SARS2: variants seen among roughly 807,000 people sequenced by gnomAD.
SARS2 encodes the protein serine--tRNA ligase, mitochondrial.
A neutral mutation model predicts 66.8 loss-of-function variants in SARS2; 52 were observed. The observed-to-expected ratio is 0.78, with a 90% CI of 0.62 to 0.98. SARS2 has a LOEUF of 0.98. Ranked by LOEUF, SARS2 falls within the 50% of genes least tolerant of loss-of-function variation. SARS2 has a pLI of 0.00. For synonymous variants in SARS2, 306 were observed against 281.4 expected (o/e 1.09, Z -0.87); for missense variants, 673 against 706.3 (o/e 0.95, Z 0.53).
chr19:38,922,136 C>T (rs1272534533), intron 3 of SARS2, 102 bp downstream of exon 3: 7 of 1,601,612 alleles, frequency 4.4e-6, no homozygotes, highest in South Asian at 1.1e-5. Context: ...TCCCCTTAAA[C>T]CTGTTTGAGT....
At chr19:38,919,979 G>T in intron 6 of SARS2, 107 bp downstream of exon 6, 5 of 1,373,488 alleles carry the variant, frequency 3.6e-6, no homozygotes, top group Non-Finnish European at 5.1e-6. Context: ...GGGCATCAAA[G>T]ATTCATGGCA....
chr19:38,916,197 C>A (rs747661149), intron 13 of SARS2, 24 bp downstream of exon 13: 14 of 1,613,308 alleles, frequency 8.7e-6, no homozygotes, highest in Non-Finnish European at 1.1e-5. Context: ...CTGCCCACCC[C>A]GTCCCCAGCG....
rs189607417 is a variant in SARS2 at position 38,921,693 on chromosome 19, C to T, written c.394-26G>A. ...CTGGGGGCAGCACAGGTGGGCTCAGCCCGGGAGAGGGTCAGGACTCCCTCA... is the reference window on the plus strand; with the variant it reads ...CTGGGGGCAGCACAGGTGGGCTCAGTCCGGGAGAGGGTCAGGACTCCCTCA... On this transcript the variant is annotated intron_variant, in intron 3 of 15. Coordinates refer to ENST00000221431, the MANE Select transcript of SARS2 (RefSeq NM_017827.4). The T allele has an allele frequency of 1.9e-5, 30 of 1,613,304 alleles. No individual in the cohort carries two copies. In the African/African-American group the frequency reaches 3.3e-4, roughly 18 times the overall value.
chr19:38,919,221 A>G (rs572665342), intron 7 of SARS2, among the ~76,000 whole-genome samples: 1 of 152,276 alleles, frequency 6.6e-6, no homozygotes, highest in African/African-American at 2.4e-5. Flanking sequence ...CGGGAGGTGG[A>G]GGTTGCAGTG....
rs1193613579 is a variant in SARS2 at position 38,921,454 on chromosome 19, G to A, written c.535-8C>T. 6.2e-7 allele frequency: 1 copy of A among 1,614,030 alleles called. No individual in the cohort carries two copies. On this transcript the variant is annotated splice_region_variant and splice_polypyrimidine_tract_variant and intron_variant, in intron 4 of 15. Coordinates refer to ENST00000221431, the MANE Select transcript of SARS2 (RefSeq NM_017827.4). ...GCTCTCATCCCCGACGGGCTGCAGGGAGACAGCAGGAGTCACGGAAAGGTG... is the reference window on the plus strand; with the variant it reads ...GCTCTCATCCCCGACGGGCTGCAGGAAGACAGCAGGAGTCACGGAAAGGTG...
intron 1 of SARS2, among the ~76,000 whole-genome samples, chr19:38,929,069 T>C (rs779133401): frequency 1.3e-5 from 2 of 151,480 alleles, no homozygotes; most frequent in Non-Finnish European, 2.9e-5. Context: ...ATACAAAAAT[T>C]ATGCAGATGT....
Position 38,920,184 on chromosome 19 carries a change from C to T in SARS2, c.590-35G>A, listed in dbSNP as rs545684247. 97 of 1,530,048 alleles carry T rather than the reference C, an allele frequency of 6.3e-5. No individual in the cohort carries two copies. The South Asian group carries it at 7.4e-4, about 12-fold the overall frequency. The allele number at this position is 1,530,048 out of a possible 1,614,324, so 94.8% of individuals were successfully genotyped here. On this transcript the variant is annotated intron_variant, in intron 5 of 15. Coordinates refer to ENST00000221431, the MANE Select transcript of SARS2 (RefSeq NM_017827.4). ...GGTGAAAAGCACCGGTGTAAGGCAG[C>T]GGGGAGAGAGGGATGGGGCCCAGAT...
intron 11 of SARS2, 39 bp from the exon 12 acceptor site, chr19:38,917,872 C>T: frequency 6.2e-7 from 1 of 1,612,772 alleles, no homozygotes. Flanking sequence ...GCTCTGAGCT[C>T]TTGGGGTGGC....
chr19:38,917,395 C>T (rs1371762015), intron 12 of SARS2, among the ~76,000 whole-genome samples: 1 of 152,232 alleles, frequency 6.6e-6, no homozygotes, highest in African/African-American at 2.4e-5. Flanking sequence ...TTCCCACCCC[C>T]ACTCTCCACT....
chr19:38,921,499 CCTCCCTGCCA>C lies in SARS2; in HGVS notation c.534+18_534+27del. ...AAGGTGGCACTAGGTGGGCCCCTGG[CCTCCCTGCCA>C]CCCAGCACGGTGCTCACCACGTCTG... is the stretch of plus-strand genomic sequence containing the variant. On this transcript the variant is annotated intron_variant, in intron 4 of 15. Transcript: ENST00000221431. 6.2e-7 allele frequency: 1 copy of C among 1,614,172 alleles called. No homozygotes were observed. The highest frequency in any genetic ancestry group is 1.3e-5 in the African/African-American group (1 of 75,056).
chr19:38,920,954 CACAGACACAGAT>C lies in SARS2; in HGVS notation c.589+426_589+437del, dbSNP rs1445334494. Among the ~76,000 whole-genome samples, 113 of 41,250 alleles carry C rather than the reference CACAGACACAGAT, an allele frequency of 2.7e-3. 2 individuals carry two copies. The highest frequency in any genetic ancestry group is 0.013 in the African/African-American group (90 of 7,060). The allele number at this position is 41,250 out of a possible 152,430, so 27.1% of individuals were successfully genotyped here. A position where few individuals can be genotyped will look rare whatever the true frequency, so the allele number is the denominator to read the frequency against. On this transcript the variant is annotated intron_variant, in intron 5 of 15. Transcript: ENST00000221431. The stretch of plus-strand genomic sequence containing the variant: ...ACACACATAGACACACACACACAGA[CACAGACACAGAT>C]ACAGACACACACAAACACAGACACA...
Position 38,918,516 on chromosome 19 carries a change from C to T in SARS2, c.822G>A (p.Met274Ile). 1 of 1,613,944 alleles carries T rather than the reference C, an allele frequency of 6.2e-7. No individual in the cohort carries two copies. The highest frequency in any genetic ancestry group is 8.5e-7 in the Non-Finnish European group (1 of 1,179,806). ...LRGAVFEGCGMTPNANPSQIY... is the reference protein window; with the variant it reads ...LRGAVFEGCGITPNANPSQIY... ...TTTGGGATGGGTTGGCATTTGGTGT[C>T]ATCCCACAGCCTTCCTGGGGGAGGA... The change falls in exon 9 of 16, where the codon ATG becomes ATA. Residue 274 changes from methionine to isoleucine, a missense_variant. By Grantham distance (10) the Met-to-Ile change is conservative. Transcript: ENST00000221431.
chr19:38,920,043 G>C (rs1974491290), intron 6 of SARS2, 43 bp downstream of exon 6: 1 of 1,525,908 alleles, frequency 6.6e-7, no homozygotes, highest in Non-Finnish European at 8.9e-7. Context: ...TCGGGGTGCA[G>C]GCAGCTGGGA....
chr19:38,917,296 A>G (rs935207851), intron 12 of SARS2, among the ~76,000 whole-genome samples: 26 of 152,222 alleles, frequency 1.7e-4, no homozygotes, highest in African/African-American at 5.8e-4. Flanking sequence ...CACCCAGAAA[A>G]GAAGTCCACA....
At chr19:38,926,780 C>T (rs981616343) in intron 1 of SARS2, among the ~76,000 whole-genome samples, 40 of 151,880 alleles carry the variant, frequency 2.6e-4, no homozygotes. Context: ...AAGAGTGAAA[C>T]TCTGTCTCAA....
At chr19:38,920,640 G>C (rs938861452) in intron 5 of SARS2, among the ~76,000 whole-genome samples, 1 of 150,450 alleles carries the variant, frequency 6.6e-6, no homozygotes, top group Admixed American at 6.6e-5. Flanking sequence ...CAGACACACA[G>C]AGACAGACAC....
intron 1 of SARS2, among the ~76,000 whole-genome samples, chr19:38,928,052 T>C (rs1222006321): frequency 6.7e-6 from 1 of 150,234 alleles, no homozygotes; most frequent in African/African-American, 2.5e-5. Flanking sequence ...AACAAACAGC[T>C]GCTCAAATGC....
At chr19:38,920,814 GAC>G (rs529238164) in intron 5 of SARS2, among the ~76,000 whole-genome samples, 4 of 150,560 alleles carry the variant, frequency 2.7e-5, no homozygotes, top group Admixed American at 6.6e-5. Context: ...GACACACAGA[GAC>G]AGACACATAC....
chr19:38,930,763 C>T lies in SARS2; in HGVS notation c.-27G>A, dbSNP rs1282311714. On this transcript the variant is annotated 5_prime_UTR_variant, in exon 1 of 16. Transcript: ENST00000221431. ...TTGGACCGGGAACAAGGCGGCACTT[C>T]GTCCCGCCCACTCCGCGTTTAGACC... is the stretch of plus-strand genomic sequence containing the variant. The T allele has an allele frequency of 1.2e-6, 2 of 1,609,108 alleles. No homozygotes were observed. The highest frequency in any genetic ancestry group is 2.2e-5 in the South Asian group (2 of 90,870).
Sources: allele counts gnomAD v4.1 joint callset (sites outside exome capture counted in the v4.1 genomes callset), GRCh38; gene constraint gnomAD v4.1.1; transcripts MANE v1.5; gene names NCBI Gene and HGNC (gene_info 2026-07-23, HGNC 2026-07-21).